Variants in THSD7B observed in about 807,000 individuals in gnomAD.
The protein encoded by THSD7B is thrombospondin type-1 domain-containing protein 7B.
A neutral mutation model predicts 213.6 loss-of-function variants in THSD7B; 138 were observed. The observed-to-expected ratio is 0.65, with a 90% CI of 0.56 to 0.74. THSD7B has a LOEUF of 0.74. Ranked by LOEUF, THSD7B falls within the 30% of genes least tolerant of loss-of-function variation. THSD7B has a pLI of 0.00. For synonymous variants in THSD7B, 742 were observed against 687.0 expected (o/e 1.08, Z -1.25); for missense variants, 1,931 against 1,991.5 (o/e 0.97, Z 0.58).
chr2:136,864,017 G>C (rs890125077), intron 1 of THSD7B, among the ~76,000 whole-genome samples: 1 of 152,120 alleles, frequency 6.6e-6, no homozygotes, highest in Non-Finnish European at 1.5e-5. Context: ...GGAGGGAGAG[G>C]CATGTCCTGT....
rs1022076999 is a variant in THSD7B, at chr2:137,106,686, A to G, written c.1200-8438A>G. Reference sequence around the variant, plus strand: ...TATATAGAATCTACAAGGAACTTAAACAAATTTACAGGAAGAAAACAACCC... The same window carrying G: ...TATATAGAATCTACAAGGAACTTAAGCAAATTTACAGGAAGAAAACAACCC... On this transcript the variant is annotated intron_variant, in intron 4 of 27. Coordinates refer to ENST00000409968, the MANE Select transcript of THSD7B (RefSeq NM_001316349.2). Among the ~76,000 whole-genome samples, 4 of 152,226 alleles carry G rather than the reference A, an allele frequency of 2.6e-5. No homozygotes were observed. The East Asian group carries it at 7.7e-4, about 29-fold the overall frequency.
intron 1 of THSD7B, among the ~76,000 whole-genome samples, chr2:136,769,281 G>T (rs1212636422): frequency 6.6e-6 from 1 of 152,152 alleles, no homozygotes; most frequent in African/African-American, 2.4e-5. Context: ...TTCATTCTAA[G>T]CCATGAATCC....
In THSD7B at chr2:136,989,978, A is replaced by G. The variant is rs560707078; in HGVS notation, c.140-66442A>G. Among the ~76,000 whole-genome samples, 7 of 152,266 alleles carry G rather than the reference A, an allele frequency of 4.6e-5. No homozygotes were observed. In the South Asian group the frequency reaches 1.2e-3, roughly 27 times the overall value. On this transcript the variant is annotated intron_variant, in intron 2 of 27. Coordinates refer to ENST00000409968, the MANE Select transcript of THSD7B (RefSeq NM_001316349.2). ...GATGCTTTCTTTCTTTATTCTGTGTATCTGTCCTGTCTTCTGCTTTCTTTT... is the reference window on the plus strand; with the variant it reads ...GATGCTTTCTTTCTTTATTCTGTGTGTCTGTCCTGTCTTCTGCTTTCTTTT...
intron 12 of THSD7B, among the ~76,000 whole-genome samples, chr2:137,387,847 C>T (rs971253544): frequency 2.6e-5 from 4 of 152,156 alleles, no homozygotes; most frequent in East Asian, 1.9e-4. Flanking sequence ...CCCTTCTATG[C>T]CAGGTTTCCC....
intron 2 of THSD7B, among the ~76,000 whole-genome samples, chr2:137,046,946 T>C (rs954803679): frequency 3.3e-5 from 5 of 152,064 alleles, no homozygotes; most frequent in Non-Finnish European, 5.9e-5. Context: ...TTGTTTTTCT[T>C]TATTTTGAAA....
chr2:137,268,889 T>C (rs1353921419), intron 10 of THSD7B, among the ~76,000 whole-genome samples: 1 of 152,188 alleles, frequency 6.6e-6, no homozygotes, highest in Non-Finnish European at 1.5e-5. Flanking sequence ...GCCCTTGAGT[T>C]TCCCACAACA....
chr2:137,284,923 G>T (rs865873379), intron 12 of THSD7B, among the ~76,000 whole-genome samples: 16 of 152,110 alleles, frequency 1.1e-4, no homozygotes, highest in Admixed American at 5.2e-4. Context: ...GGTCCACTTT[G>T]TGCAGAGCTG....
intron 7 of THSD7B, among the ~76,000 whole-genome samples, chr2:137,174,650 C>T (rs1680324943): frequency 6.6e-6 from 1 of 152,118 alleles, no homozygotes; most frequent in Non-Finnish European, 1.5e-5. Flanking sequence ...TTATAGCAAA[C>T]ATTATGTTAG....
chr2:137,357,459 T>G (rs916763495), intron 12 of THSD7B, among the ~76,000 whole-genome samples: 2 of 152,130 alleles, frequency 1.3e-5, no homozygotes, highest in Admixed American at 1.3e-4. Context: ...TATATCTTAT[T>G]TATAGGATTG....
At chr2:137,448,325 G>A (rs1687580794) in intron 14 of THSD7B, among the ~76,000 whole-genome samples, 1 of 152,226 alleles carries the variant, frequency 6.6e-6, no homozygotes, top group South Asian at 2.1e-4. Context: ...AAATTGGCAA[G>A]AGAGTGGTTA....
intron 3 of THSD7B, among the ~76,000 whole-genome samples, chr2:137,083,228 C>G (rs552986398): frequency 6.6e-6 from 1 of 152,090 alleles, no homozygotes; most frequent in Non-Finnish European, 1.5e-5. Flanking sequence ...AGGTAAACAT[C>G]ATTTTTATCA....
intron 3 of THSD7B, among the ~76,000 whole-genome samples, chr2:137,075,086 G>T (rs529045871): frequency 1.6e-4 from 25 of 152,278 alleles, no homozygotes; most frequent in African/African-American, 5.5e-4. Flanking sequence ...TTCTCAAGGA[G>T]TATCTTTGTG....
intron 12 of THSD7B, among the ~76,000 whole-genome samples, chr2:137,395,070 A>G (rs1400410502): frequency 7.1e-6 from 1 of 141,596 alleles, no homozygotes; most frequent in Non-Finnish European, 1.6e-5. Flanking sequence ...GGGCTGAGAC[A>G]ATGGGGTTTT....
chr2:137,101,421 A>C (rs969074915), intron 4 of THSD7B, among the ~76,000 whole-genome samples: 1 of 152,204 alleles, frequency 6.6e-6, no homozygotes, highest in Non-Finnish European at 1.5e-5. Flanking sequence ...AAATTAACAG[A>C]TTCTCTAAGG....
At chr2:137,290,520 A>G (rs1229027125) in intron 12 of THSD7B, among the ~76,000 whole-genome samples, 2 of 150,576 alleles carry the variant, frequency 1.3e-5, no homozygotes, top group African/African-American at 2.5e-5. Context: ...CTGAAACCTT[A>G]CATGGCATCA....
chr2:137,307,687 A>C (rs1683789388), intron 12 of THSD7B, among the ~76,000 whole-genome samples: 1 of 152,176 alleles, frequency 6.6e-6, no homozygotes, highest in Non-Finnish European at 1.5e-5. Context: ...AACAATGCTC[A>C]TGCACTACTG....
chr2:137,039,621 G>A (rs1247770652), intron 2 of THSD7B, among the ~76,000 whole-genome samples: 1 of 152,178 alleles, frequency 6.6e-6, no homozygotes, highest in Non-Finnish European at 1.5e-5. Flanking sequence ...GTCCCTCCAT[G>A]TGTTAGGAGC....
intron 15 of THSD7B, among the ~76,000 whole-genome samples, chr2:137,529,705 T>C (rs1680360413): frequency 6.6e-6 from 1 of 151,752 alleles, no homozygotes; most frequent in African/African-American, 2.4e-5. Flanking sequence ...TTTAATAAGA[T>C]TATGGTTAAA....
rs185272031 is a variant in THSD7B, at chr2:137,314,491, C to G, written c.2500+38465C>G. Among the ~76,000 whole-genome samples, 46 of 152,286 alleles carry G rather than the reference C, an allele frequency of 3.0e-4. No homozygotes were observed. In the East Asian group the frequency reaches 8.1e-3, roughly 27 times the overall value. On this transcript the variant is annotated intron_variant, in intron 12 of 27. Coordinates refer to ENST00000409968, the MANE Select transcript of THSD7B (RefSeq NM_001316349.2). Reference sequence around the variant, plus strand: ...CTCGGAGTAATTTGATTGTCTGAAGCCTTCTTCTCTCACCTCGTCAAAGTC... The same window carrying G: ...CTCGGAGTAATTTGATTGTCTGAAGGCTTCTTCTCTCACCTCGTCAAAGTC...
Sources: gnomAD v4.1 joint callset for allele counts (sites outside exome capture counted in the v4.1 genomes callset) on GRCh38, gnomAD v4.1.1 for gene constraint, MANE v1.5 for transcripts, NCBI Gene and HGNC (gene_info 2026-07-23, HGNC 2026-07-21) for gene names.